POLR2F: variants seen among roughly 807,000 people sequenced by gnomAD.
POLR2F encodes RNA polymerase II, I and III subunit F.
Under a neutral mutation model 22.7 loss-of-function variants are expected in POLR2F, and 12 were observed. The observed-to-expected ratio is 0.53, with a 90% CI of 0.34 to 0.86. The LOEUF is 0.86. POLR2F is among the 40% of genes least tolerant of loss of function. The probability of loss-of-function intolerance (pLI) is 0.02; values close to 1 mark genes in which losing one functional copy is unlikely to be tolerated. For missense variants in POLR2F, 126 were observed against 171.5 expected, an observed-to-expected ratio of 0.73 and a Z score of 1.48; for synonymous variants, 57 against 66.0, an observed-to-expected ratio of 0.86 and a Z score of 0.66.
At chr22:38,001,854 G>T (rs374734617) in intron 1 of POLR2F, among the ~76,000 whole-genome samples, 5 of 151,308 alleles carry the variant, frequency 3.3e-5, no homozygotes, top group East Asian at 1.9e-4. Context: ...TTTGGATGGA[G>T]TCTCACTCTG....
chr22:37,956,919 G>T (rs1424758963), intron 2 of POLR2F, 77 bp downstream of exon 2: 1 of 1,102,324 alleles, frequency 9.1e-7, no homozygotes, highest in Non-Finnish European at 1.4e-6. Context: ...TTAGCTGAAT[G>T]TGTCTGCCTT....
At chr22:38,008,944 G>T (rs368176021) in intron 1 of POLR2F, among the ~76,000 whole-genome samples, 19 of 152,308 alleles carry the variant, frequency 1.2e-4, no homozygotes, top group African/African-American at 4.1e-4. Context: ...CAGGGAAAGG[G>T]GTGTCAGGAG....
At chr22:38,040,548 G>A (rs1440760071) in intron 5 of POLR2F, 1 of 157,906 alleles carries the variant, frequency 6.3e-6, no homozygotes, top group Non-Finnish European at 1.4e-5. Context: ...TTTCAAGGGA[G>A]TCAGATTTGT....
chr22:37,984,179 T>C (rs1479926111), upstream of POLR2F: 1 of 158,428 alleles, frequency 6.3e-6, no homozygotes, highest in South Asian at 2.0e-4. This position sits in a 1 kb window ranked among gnomAD's most constrained non-coding sequence, Gnocchi z 4.4. Context: ...GCCCCTGGAA[T>C]TTCCCACCTT....
At chr22:37,973,482 G>A (rs561681089), downstream of POLR2F, 65 of 1,539,004 alleles carry the variant, frequency 4.2e-5, no homozygotes, top group Middle Eastern at 6.9e-4. Flanking sequence ...GGGTGGTGGC[G>A]ACAGGGCCCC....
chr22:37,973,283 C>A, downstream of POLR2F: 1 of 555,118 alleles, frequency 1.8e-6, no homozygotes, highest in South Asian at 2.6e-5. Flanking sequence ...CTCCTCTGTC[C>A]AGCCTGTTCT....
chr22:37,987,379 G>GC (rs1932613449), intron 1 of POLR2F: 1 of 437,932 alleles, frequency 2.3e-6, no homozygotes, highest in East Asian at 7.1e-5. Context: ...TGATGACACT[G>GC]CCTGGCAGAG....
chr22:38,025,510 TTCA>T, intron 1 of POLR2F: 2 of 1,423,844 alleles, frequency 1.4e-6, no homozygotes, highest in Non-Finnish European at 1.8e-6. Flanking sequence ...AGTCCCAACA[TTCA>T]CAAATTCCCT....
intron 3 of POLR2F, among the ~76,000 whole-genome samples, chr22:37,961,097 C>T (rs1931623870): frequency 6.6e-6 from 1 of 152,082 alleles, no homozygotes; most frequent in Non-Finnish European, 1.5e-5. Context: ...GATCCACCTG[C>T]CTTGGCCTCC....
At chr22:38,025,607 C>T in intron 1 of POLR2F, 1 of 1,545,876 alleles carries the variant, frequency 6.5e-7, no homozygotes, top group African/African-American at 1.4e-5. Context: ...ATACACAGTG[C>T]TGAGACCCTC....
chr22:37,964,914 C>T (rs1480082788), intron 3 of POLR2F, among the ~76,000 whole-genome samples: 8 of 151,960 alleles, frequency 5.3e-5, no homozygotes. Flanking sequence ...TGATCCAGCT[C>T]ATTCCAGTCT....
At chr22:38,039,594 G>T (rs1026621907) in intron 5 of POLR2F, among the ~76,000 whole-genome samples, 2 of 152,190 alleles carry the variant, frequency 1.3e-5, no homozygotes, top group African/African-American at 4.8e-5. Context: ...AGGAGCCAGA[G>T]CCCTGGCAGG....
chr22:37,987,316 C>A, intron 1 of POLR2F: 1 of 456,532 alleles, frequency 2.2e-6, no homozygotes, highest in Non-Finnish European at 4.4e-6. Context: ...AGAAGATGGG[C>A]CCCAGAGAGG....
chr22:37,985,076 A>C (rs986362077), upstream of POLR2F: 8 of 151,786 alleles, frequency 5.3e-5, no homozygotes, highest in African/African-American at 2.0e-4. Context: ...CCCATCCTGC[A>C]CAGTAAGAGA....
intron 5 of POLR2F, among the ~76,000 whole-genome samples, chr22:38,035,885 AG>A (rs898105595): frequency 1.3e-5 from 2 of 151,962 alleles, no homozygotes; most frequent in African/African-American, 4.8e-5. Context: ...ACAAAGCTCC[AG>A]GGTGGGTGTG....
chr22:38,025,524 G>A, intron 1 of POLR2F: 4 of 1,425,516 alleles, frequency 2.8e-6, no homozygotes, highest in Non-Finnish European at 3.7e-6. Context: ...CAAATTCCCT[G>A]ATCGTCCCCC....
intron 1 of POLR2F, among the ~76,000 whole-genome samples, chr22:38,003,768 G>A (rs1232479664): frequency 6.6e-6 from 1 of 151,536 alleles, no homozygotes; most frequent in Non-Finnish European, 1.5e-5. Context: ...TTAGAGATAG[G>A]GTTTCACCAT....
At chr22:37,962,834 G>A (rs1310509174) in intron 3 of POLR2F, among the ~76,000 whole-genome samples, 1 of 151,986 alleles carries the variant, frequency 6.6e-6, no homozygotes, top group African/African-American at 2.4e-5. Context: ...GGGACCACAG[G>A]CACCTGCCAC....
At chr22:37,982,359 C>T (rs1421816445), upstream of POLR2F, among the ~76,000 whole-genome samples, 1 of 152,188 alleles carries the variant, frequency 6.6e-6, no homozygotes, top group Non-Finnish European at 1.5e-5. Context: ...CTCCTGGAGT[C>T]CCTGGTCTCT....
Sources: allele counts gnomAD v4.1 joint callset (sites outside exome capture counted in the v4.1 genomes callset), GRCh38; gene constraint gnomAD v4.1.1; non-coding constraint Gnocchi (gnomAD v3.1); transcripts MANE v1.5; gene names NCBI Gene and HGNC (gene_info 2026-07-23, HGNC 2026-07-21).